BDNF: variants seen among roughly 807,000 people sequenced by gnomAD.
BDNF encodes the protein brain derived neurotrophic factor.
A neutral mutation model predicts 19.5 loss-of-function variants in BDNF; 1 was observed. That is an observed-to-expected ratio of 0.05 (90% CI 0.02 to 0.24). The LOEUF (loss-of-function observed/expected upper bound fraction) is 0.24. Among genes scored for constraint, BDNF ranks in the 10% least tolerant of loss-of-function variants. The pLI, the probability that BDNF is intolerant of heterozygous loss-of-function variation, is 1.00. For missense variants in BDNF, 195 were observed against 317.6 expected, an observed-to-expected ratio of 0.61 and a Z score of 2.93; for synonymous variants, 100 against 121.6, an observed-to-expected ratio of 0.82 and a Z score of 1.17.
chr11:27,700,294 G>T lies in BDNF; in HGVS notation c.-152C>A. On this transcript the variant is annotated 5_prime_UTR_variant, in exon 1 of 2. Transcript: ENST00000356660. The stretch of plus-strand genomic sequence containing the variant: ...CGCCGGCCCCACAGCAGCGGTGGGT[G>T]TCTCATTAAAGCCCCCCGAGCAGGA... 1.0e-6 allele frequency: 1 copy of T among 985,122 alleles called. No individual in the cohort carries two copies. The highest frequency in any genetic ancestry group is 4.7e-5 in the South Asian group (1 of 21,278). The allele number at this position is 985,122 out of a possible 1,614,324, so 61.0% of individuals were successfully genotyped here. A position where few individuals can be genotyped will look rare whatever the true frequency, so the allele number is the denominator to read the frequency against.
chr11:27,717,905 G>T (rs75442464), intron 1 of BDNF, among the ~76,000 whole-genome samples: 3,588 of 151,164 alleles, frequency 0.024, 130 homozygotes, highest in African/African-American at 0.082. Flanking sequence ...AGGATGACGT[G>T]ACACTTTTGA....
chr11:27,700,880 G>T, upstream of BDNF: 1 of 1,288,874 alleles, frequency 7.8e-7, no homozygotes, highest in Admixed American at 2.3e-5. Flanking sequence ...CCGAGGTCTC[G>T]CTCCCCTAGC....
rs1386951839 is a variant in BDNF at position 27,658,358 on chromosome 11, C to T, written c.207G>A (p.Glu69=). 4 of 1,614,172 alleles carry T rather than the reference C, an allele frequency of 2.5e-6. No individual in the cohort carries two copies. In the South Asian group the frequency reaches 4.4e-5, roughly 18 times the overall value. ...LADTFEHVIE[E]LLDEDQKVRP... ...GAACTTTCTGGTCCTCATCCAACAG[C>T]TCTTCTATCACGTGTTCGAAAGTGT... Residue 69 remains glutamate (E), a synonymous_variant, in exon 2 of 2, where the codon GAG becomes GAA. Coordinates refer to ENST00000356660, the MANE Select transcript of BDNF (RefSeq NM_001709.5). This position sits in a 1 kb window ranked among gnomAD's most constrained non-coding sequence, Gnocchi z 5.7.
chr11:27,694,340 T>C (rs947184583), intron 1 of BDNF, among the ~76,000 whole-genome samples: 4 of 152,188 alleles, frequency 2.6e-5, no homozygotes, highest in Admixed American at 6.5e-5. Flanking sequence ...TTAAACCTTT[T>C]CCTCCAATTT....
intron 1 of BDNF, chr11:27,720,234 C>T (rs1860696799): frequency 1.3e-6 from 1 of 758,352 alleles, no homozygotes; most frequent in South Asian, 6.0e-5. Flanking sequence ...GAAACAACCC[C>T]CTCTCATGCT....
chr11:27,657,284 C>A lies in BDNF; in HGVS notation c.*537G>T. On this transcript the variant is annotated 3_prime_UTR_variant, in exon 2 of 2. Coordinates refer to ENST00000356660, the MANE Select transcript of BDNF (RefSeq NM_001709.5). The surrounding 1 kb of genome is among the most constrained non-coding windows in gnomAD (Gnocchi z 5.0). The stretch of plus-strand genomic sequence containing the variant: ...ACAAAACAAACAAAAATATACCCCC[C>A]ATCCCCCATCCCCTAAGCCAGTAAA... The A allele has an allele frequency of 1.0e-6, 1 of 987,142 alleles. No homozygotes were observed. The highest frequency in any genetic ancestry group is 1.2e-6 in the Non-Finnish European group (1 of 830,826). 61.1% of individuals were successfully genotyped at this position (987,142 alleles called of 1,614,324 possible).
chr11:27,663,187 A>G (rs534420589), intron 1 of BDNF, among the ~76,000 whole-genome samples: 1 of 152,206 alleles, frequency 6.6e-6, no homozygotes, highest in African/African-American at 2.4e-5. Context: ...TTCATTTTCA[A>G]CCTTCGGATG....
chr11:27,720,825 A>C, intron 1 of BDNF: 1 of 978,958 alleles, frequency 1.0e-6, no homozygotes, highest in Non-Finnish European at 1.2e-6. Context: ...TCACGTGCGG[A>C]TGGCTTTGCC....
At chr11:27,699,347 C>T in intron 1 of BDNF, 1 of 1,613,548 alleles carries the variant, frequency 6.2e-7, no homozygotes. Flanking sequence ...AGCCCCCAAT[C>T]CTCAGCTATT....
At chr11:27,675,339 T>C in intron 1 of BDNF, 1 of 152,220 alleles carries the variant, frequency 6.6e-6, no homozygotes, top group Non-Finnish European at 1.5e-5. Context: ...TATGCATACT[T>C]AATAGGGTAT....
intron 1 of BDNF, among the ~76,000 whole-genome samples, chr11:27,686,149 A>G (rs1267551198): frequency 1.3e-5 from 2 of 152,062 alleles, no homozygotes; most frequent in Admixed American, 6.6e-5. Flanking sequence ...TCATTATGTA[A>G]TGGCCTTCTT....
At chr11:27,717,119 T>A (rs1860543844) in intron 1 of BDNF, among the ~76,000 whole-genome samples, 1 of 152,166 alleles carries the variant, frequency 6.6e-6, no homozygotes, top group Non-Finnish European at 1.5e-5. Flanking sequence ...AGAATTTAGA[T>A]CAGAAATCTG....
At chr11:27,661,690 A>G (rs909641284) in intron 1 of BDNF, among the ~76,000 whole-genome samples, 1 of 151,934 alleles carries the variant, frequency 6.6e-6, no homozygotes, top group Non-Finnish European at 1.5e-5. Context: ...CTGATACTCA[A>G]CTCTCTCCAA....
intron 1 of BDNF, among the ~76,000 whole-genome samples, chr11:27,685,513 C>T (rs1191817935): frequency 5.9e-5 from 9 of 152,166 alleles, no homozygotes; most frequent in Admixed American, 1.3e-4. Flanking sequence ...TTAGCTCTTT[C>T]CTGCTTTCTC....
chr11:27,667,566 G>A (rs1467728379), intron 1 of BDNF, among the ~76,000 whole-genome samples: 1 of 152,152 alleles, frequency 6.6e-6, no homozygotes, highest in Admixed American at 6.5e-5. Flanking sequence ...TAAAGGGATG[G>A]AGGAAGATCT....
At chr11:27,679,907 G>A (rs907720585) in intron 1 of BDNF, among the ~76,000 whole-genome samples, 3 of 152,118 alleles carry the variant, frequency 2.0e-5, no homozygotes, top group African/African-American at 7.2e-5. Context: ...TTTACTCCAT[G>A]AGAAAACATT....
chr11:27,662,083 A>G (rs1354532095), intron 1 of BDNF, among the ~76,000 whole-genome samples: 4 of 152,076 alleles, frequency 2.6e-5, no homozygotes, highest in Non-Finnish European at 4.4e-5. Context: ...GCTCACTGCA[A>G]TCTCCACCTC....
intron 1 of BDNF, among the ~76,000 whole-genome samples, chr11:27,716,616 A>G (rs1425429788): frequency 1.3e-5 from 2 of 152,244 alleles, no homozygotes; most frequent in South Asian, 2.1e-4. Flanking sequence ...AGCTGCAAAA[A>G]TAGATATTTT....
At chr11:27,670,985 T>C (rs1373329296) in intron 1 of BDNF, among the ~76,000 whole-genome samples, 1 of 152,182 alleles carries the variant, frequency 6.6e-6, no homozygotes, top group African/African-American at 2.4e-5. Context: ...CTATTTACAA[T>C]AGCAAATACT....
Sources: allele counts gnomAD v4.1 joint callset (sites outside exome capture counted in the v4.1 genomes callset), GRCh38; gene constraint gnomAD v4.1.1; non-coding constraint Gnocchi (gnomAD v3.1); transcripts MANE v1.5; gene names NCBI Gene and HGNC (gene_info 2026-07-23, HGNC 2026-07-21).